AGK: variants seen among roughly 807,000 people sequenced by gnomAD.
AGK encodes acylglycerol kinase, mitochondrial.
A neutral mutation model predicts 66.4 loss-of-function variants in AGK; 52 were observed. That is an observed-to-expected ratio of 0.78 (90% confidence interval 0.63 to 0.99). The LOEUF (loss-of-function observed/expected upper bound fraction) is 0.99. Ranked by LOEUF, AGK falls within the 50% of genes least tolerant of loss-of-function variation. The pLI is 0.00. For synonymous variants in AGK, 182 were observed against 181.1 expected (o/e 1.00, Z -0.04); for missense variants, 451 against 506.6 (o/e 0.89, Z 1.05).
chr7:141,558,802 TC>T (rs200555679), intron 2 of AGK, among the ~76,000 whole-genome samples: 1,875 of 152,342 alleles, frequency 0.012, 35 homozygotes, highest in Admixed American at 0.018. Context: ...ATTTTCTGTT[TC>T]TTTGATATGG....
chr7:141,649,186 A>G, intron 13 of AGK, 77 bp from the exon 14 acceptor site: 1 of 876,654 alleles, frequency 1.1e-6, no homozygotes, highest in South Asian at 1.4e-5. Context: ...ACTATGAACC[A>G]TCAAAGCTGA....
chr7:141,604,384 A>G (rs987845217), intron 5 of AGK, among the ~76,000 whole-genome samples: 207 of 142,444 alleles, frequency 1.5e-3, no homozygotes, highest in African/African-American at 5.0e-3. Context: ...GTATATATAT[A>G]TATATATATA....
intron 12 of AGK, 61 bp from the exon 13 acceptor site, chr7:141,641,750 C>A: frequency 1.5e-5 from 21 of 1,385,830 alleles, no homozygotes; most frequent in Non-Finnish European, 2.0e-5. Flanking sequence ...AGCTAGCCGT[C>A]CGTGGTGGGT....
chr7:141,620,857 C>G (rs969387333), intron 8 of AGK, among the ~76,000 whole-genome samples: 2 of 152,136 alleles, frequency 1.3e-5, no homozygotes, highest in African/African-American at 4.8e-5. Context: ...CAAGGCCTGT[C>G]CTCAGGAGAA....
At chr7:141,605,512 G>A (rs1383611930) in intron 5 of AGK, among the ~76,000 whole-genome samples, 1 of 152,094 alleles carries the variant, frequency 6.6e-6, no homozygotes, top group African/African-American at 2.4e-5. Flanking sequence ...ATAGGTGCTA[G>A]TTTTATATTT....
At chr7:141,609,308 C>T (rs1796528402) in intron 5 of AGK, among the ~76,000 whole-genome samples, 1 of 152,222 alleles carries the variant, frequency 6.6e-6, no homozygotes. Flanking sequence ...GTCCACACTT[C>T]AGGCGCCAGT....
At chr7:141,601,431 T>C in intron 5 of AGK, 151 bp downstream of exon 5, 1 of 589,078 alleles carries the variant, frequency 1.7e-6, no homozygotes, top group East Asian at 3.1e-5. Context: ...TAGTTTTGTT[T>C]TTTTCCAAAT....
At chr7:141,628,527 A>G (rs1421004064) in intron 9 of AGK, among the ~76,000 whole-genome samples, 2 of 152,234 alleles carry the variant, frequency 1.3e-5, no homozygotes, top group East Asian at 1.9e-4. Flanking sequence ...ATCCAACCCT[A>G]TTAAACATAT....
In AGK at chr7:141,596,632, C is replaced by T. The variant is rs776417280; in HGVS notation, c.212C>T (p.Ala71Val). 22 of 1,613,756 alleles carry T rather than the reference C, an allele frequency of 1.4e-5. No individual in the cohort carries two copies. The highest frequency in any genetic ancestry group is 1.8e-5 in the Non-Finnish European group (21 of 1,179,812). The change falls in exon 4 of 16, where the codon GCT (alanine) becomes GTT (valine). Residue 71 changes from alanine (A) to valine (V), a missense_variant. By Grantham distance (64) the Ala-to-Val change is moderately conservative. Coordinates refer to ENST00000649286, the MANE Select transcript of AGK (RefSeq NM_018238.4). ...KKATVFLNPA[A>V]CKGKARTLFE... ...GCCACTGTTTTTCTCAATCCTGCAG[C>T]TTGCAAAGGGTAGTTCCGTTTGTGA... is the stretch of plus-strand genomic sequence containing the variant.
chr7:141,612,395 C>T (rs2116957722), intron 6 of AGK, among the ~76,000 whole-genome samples: 1 of 152,212 alleles, frequency 6.6e-6, no homozygotes, highest in African/African-American at 2.4e-5. Flanking sequence ...AGGGTGAATA[C>T]ATTTGTGTTA....
chr7:141,601,280 G>A lies in AGK; in HGVS notation c.297G>A (p.Lys99=). 6.2e-7 allele frequency: 1 copy of A among 1,609,522 alleles called. No homozygotes were observed. The highest frequency in any genetic ancestry group is 1.7e-5 in the Admixed American group (1 of 59,576). Residue 99 remains lysine (K), a splice_region_variant and synonymous_variant, in exon 5 of 16, where the codon AAG becomes AAA. Transcript: ENST00000649286. ...HLSGMDVTIV[K]TDYEGQAKKL... is the part of the protein sequence containing the mutation. ...CTGGCATGGATGTGACTATTGTTAA[G>A]GTAAGAATGGCTCCTGAATGTTTAT... is the stretch of plus-strand genomic sequence containing the variant.
At chr7:141,575,810 T>C (rs1278485618) in intron 2 of AGK, among the ~76,000 whole-genome samples, 1 of 152,014 alleles carries the variant, frequency 6.6e-6, no homozygotes, top group Admixed American at 6.6e-5. Context: ...GTGGGTAAAT[T>C]CATATCTCTG....
intron 2 of AGK, among the ~76,000 whole-genome samples, chr7:141,587,936 G>A (rs1796028007): frequency 6.6e-6 from 1 of 152,188 alleles, no homozygotes; most frequent in Admixed American, 6.5e-5. Context: ...ACCAAGAGCT[G>A]TTCTTCTTTA....
intron 9 of AGK, among the ~76,000 whole-genome samples, chr7:141,625,107 A>T (rs1796907278): frequency 6.6e-6 from 1 of 151,944 alleles, no homozygotes; most frequent in Admixed American, 6.6e-5. Context: ...TAATGTTAGC[A>T]TTTTTTTTAA....
chr7:141,579,849 G>A (rs1396487773), intron 2 of AGK, among the ~76,000 whole-genome samples: 2 of 152,012 alleles, frequency 1.3e-5, no homozygotes, highest in Admixed American at 6.5e-5. Flanking sequence ...GCCTTGTGTG[G>A]GAAGAGATTA....
chr7:141,586,375 A>G (rs1403627461), intron 2 of AGK, among the ~76,000 whole-genome samples: 1 of 152,242 alleles, frequency 6.6e-6, no homozygotes. Context: ...AAATCCTCAT[A>G]CAAAGAATAA....
intron 2 of AGK, among the ~76,000 whole-genome samples, chr7:141,584,159 G>A (rs1795945521): frequency 1.3e-5 from 2 of 152,134 alleles, no homozygotes; most frequent in South Asian, 4.1e-4. Flanking sequence ...AGGGAGATAA[G>A]GGTGGGGCCA....
chr7:141,603,752 C>A (rs910977322), intron 5 of AGK, among the ~76,000 whole-genome samples: 1 of 152,132 alleles, frequency 6.6e-6, no homozygotes, highest in Non-Finnish European at 1.5e-5. Context: ...GCTTTACTCA[C>A]GTCTCCAAGT....
intron 9 of AGK, among the ~76,000 whole-genome samples, chr7:141,628,122 C>T (rs1384355704): frequency 1.3e-5 from 2 of 152,184 alleles, no homozygotes; most frequent in East Asian, 3.8e-4. Context: ...CCTCCTGATA[C>T]ACCCACCTCG....
Sources: allele counts gnomAD v4.1 joint callset (sites outside exome capture counted in the v4.1 genomes callset), GRCh38; gene constraint gnomAD v4.1.1; transcripts MANE v1.5; gene names NCBI Gene and HGNC (gene_info 2026-07-23, HGNC 2026-07-21).